The following MYO16 variants were observed in gnomAD, a reference collection of about 807,000 sequenced individuals.
The protein encoded by MYO16 is myosin XVI.
A neutral mutation model predicts 205.3 loss-of-function variants in MYO16; 94 were observed. That is an observed-to-expected ratio of 0.46 (90% confidence interval 0.39 to 0.54). The LOEUF (loss-of-function observed/expected upper bound fraction) is 0.54. MYO16 is among the 20% of genes least tolerant of loss of function. The probability of loss-of-function intolerance (pLI) is 0.00; values close to 1 mark genes in which losing one functional copy is unlikely to be tolerated. For missense variants in MYO16, 2,315 were observed against 2,387.5 expected (o/e 0.97, Z 0.63); for synonymous variants, 988 against 954.0 (o/e 1.04, Z -0.66).
At position 109,095,653 on chromosome 13, in the gene MYO16, GATGCTCGAATT is replaced by G. The variant is rs1171758550; in HGVS notation, c.3336-5129_3336-5119del. ...TTCTGACTTGTTAATACTATATTCA[GATGCTCGAATT>G]ATATCAATTAAATTCTTGGTTATAA... On this transcript the variant is annotated intron_variant, in intron 27 of 34. Coordinates refer to ENST00000457511, the MANE Select transcript of MYO16 (RefSeq NM_001198950.3). Among the ~76,000 whole-genome samples the G allele has an allele frequency of 3.3e-5, 5 of 152,136 alleles. No homozygotes were observed. The South Asian group carries it at 1.0e-3, about 31-fold the overall frequency.
the MYO16 span, among the ~76,000 whole-genome samples, chr13:108,517,821 G>A: frequency 6.6e-6 from 1 of 152,146 alleles, no homozygotes; most frequent in Admixed American, 6.5e-5. Context: ...TCTGGAGGCT[G>A]GGAAGCCCAA....
At chr13:108,626,376 A>G (rs1879736593), upstream of MYO16, among the ~76,000 whole-genome samples, 1 of 152,234 alleles carries the variant, frequency 6.6e-6, no homozygotes, top group Non-Finnish European at 1.5e-5. Flanking sequence ...AATGCAAAAC[A>G]ATACCCTCTT....
chr13:109,050,387 T>C (rs1887206766), intron 24 of MYO16, among the ~76,000 whole-genome samples: 2 of 152,166 alleles, frequency 1.3e-5, no homozygotes, highest in Non-Finnish European at 2.9e-5. Context: ...TAGTGGGGTA[T>C]CCTTCTCGGC....
intron 10 of MYO16, among the ~76,000 whole-genome samples, chr13:108,853,624 C>T (rs1432182882): frequency 5.0e-5 from 7 of 140,140 alleles, no homozygotes; most frequent in Non-Finnish European, 9.1e-5. Flanking sequence ...TGAGACAGGG[C>T]CTAGCTCTGT....
At chr13:108,679,892 C>T (rs1882389806) in intron 2 of MYO16, among the ~76,000 whole-genome samples, 1 of 152,080 alleles carries the variant, frequency 6.6e-6, no homozygotes, top group African/African-American at 2.4e-5. Context: ...CCACCTCTCA[C>T]ACCAGCACTT....
At chr13:108,881,121 G>T (rs1247274078) in intron 12 of MYO16, among the ~76,000 whole-genome samples, 1 of 152,168 alleles carries the variant, frequency 6.6e-6, no homozygotes, top group Non-Finnish European at 1.5e-5. Context: ...AGCAACATTT[G>T]CCATTCTGTA....
intron 33 of MYO16, among the ~76,000 whole-genome samples, chr13:109,165,739 C>A (rs538831721): frequency 9.8e-5 from 15 of 152,306 alleles, no homozygotes; most frequent in Admixed American, 2.0e-4. Context: ...GAAGCCCACA[C>A]TTGAAGCTTG....
At chr13:109,061,539 G>A (rs1202111163) in intron 27 of MYO16, among the ~76,000 whole-genome samples, 1 of 152,184 alleles carries the variant, frequency 6.6e-6, no homozygotes, top group East Asian at 1.9e-4. Flanking sequence ...AAGAGGGAGA[G>A]AGAGGTGGGG....
At chr13:109,010,976 T>TATATATATATATATATATA (rs59979915) in intron 22 of MYO16, among the ~76,000 whole-genome samples, 31 of 143,152 alleles carry the variant, frequency 2.2e-4, no homozygotes, top group Non-Finnish European at 2.6e-4. Context: ...TATATATATA[T>TATATATATATATATATATA]TTCTTCACCT....
At chr13:108,827,827 T>G (rs1377261484) in intron 9 of MYO16, among the ~76,000 whole-genome samples, 1 of 152,166 alleles carries the variant, frequency 6.6e-6, no homozygotes, top group Non-Finnish European at 1.5e-5. Flanking sequence ...AATATGCCCT[T>G]TAGCGTCTGA....
At chr13:109,066,498 C>G (rs529419850) in intron 27 of MYO16, among the ~76,000 whole-genome samples, 2 of 152,248 alleles carry the variant, frequency 1.3e-5, no homozygotes, top group South Asian at 4.1e-4. Context: ...TAAAAGATGA[C>G]AGAGGAGCTT....
intron 23 of MYO16, among the ~76,000 whole-genome samples, chr13:109,044,001 G>T (rs1886963500): frequency 6.6e-6 from 1 of 152,240 alleles, no homozygotes; most frequent in Admixed American, 6.5e-5. Flanking sequence ...GGTGAATTGG[G>T]GAACTTCTTA....
chr13:108,689,620 C>G (rs964904276), intron 2 of MYO16, among the ~76,000 whole-genome samples: 3 of 151,780 alleles, frequency 2.0e-5, no homozygotes, highest in East Asian at 3.9e-4. Context: ...TGAACTCAGA[C>G]AAATAATCTA....
chr13:108,577,723 T>G, the MYO16 span, among the ~76,000 whole-genome samples: 1 of 152,246 alleles, frequency 6.6e-6, no homozygotes, highest in Non-Finnish European at 1.5e-5. Context: ...ATACTTATAG[T>G]CCCATTTACA....
intron 4 of MYO16, among the ~76,000 whole-genome samples, chr13:108,731,062 A>T (rs912003751): frequency 6.6e-6 from 1 of 152,200 alleles, no homozygotes; most frequent in Admixed American, 6.5e-5. Context: ...ACTCAATCAC[A>T]TTAATGGCCA....
rs544183619 is a variant in MYO16, at chr13:109,103,172, A to T, written c.3438+2285A>T. On this transcript the variant is annotated intron_variant, in intron 28 of 34. Transcript: ENST00000457511. ...AAAAAATAAATAAATAAAACAAAAAACACTCATTCCTAACCTGGAAAGTTA... is the reference window on the plus strand; with the variant it reads ...AAAAAATAAATAAATAAAACAAAAATCACTCATTCCTAACCTGGAAAGTTA... Among the ~76,000 whole-genome samples the T allele has an allele frequency of 2.2e-4, 33 of 152,350 alleles. No individual in the cohort carries two copies. The South Asian group carries it at 6.4e-3, about 30-fold the overall frequency.
At chr13:108,549,943 C>A in the MYO16 span, among the ~76,000 whole-genome samples, 4 of 152,350 alleles carry the variant, frequency 2.6e-5, no homozygotes, top group East Asian at 7.7e-4. Flanking sequence ...GACTTTCTGG[C>A]CCCTGCATGG....
chr13:109,141,127 C>T lies in MYO16; in HGVS notation c.4915C>T (p.His1639Tyr). The change falls in exon 32 of 35, where the codon CAC becomes TAC. Residue 1639 changes from histidine (H) to tyrosine (Y), a missense_variant. His to Tyr is a moderately conservative substitution (Grantham distance 83, BLOSUM62 2). Around this residue, in one of 3 missense-constraint regions of MYO16, gnomAD observed 1,097 missense variants for 1,092.0 expected, o/e 1.00. Coordinates refer to ENST00000457511, the MANE Select transcript of MYO16 (RefSeq NM_001198950.3). The surrounding 1 kb of genome is among the most constrained non-coding windows in gnomAD (Gnocchi z 4.1). ...GCCGAGCGCAGAGGCGCCCAAGGTT[C>T]ACCCAAAGCCAAACTCTGCCCCCGT... ...AGPSAEAPKV[H>Y]PKPNSAPVAG... The T allele has an allele frequency of 6.3e-7, 1 of 1,581,244 alleles. No individual in the cohort carries two copies.
chr13:108,920,839 T>C (rs1452136075), intron 16 of MYO16, among the ~76,000 whole-genome samples: 1 of 152,202 alleles, frequency 6.6e-6, no homozygotes, highest in Non-Finnish European at 1.5e-5. Context: ...ATGAACCATA[T>C]GGAGATGTGA....
Sources: gnomAD v4.1 joint callset for allele counts (sites outside exome capture counted in the v4.1 genomes callset) on GRCh38, gnomAD v4.1.1 for gene constraint, gnomAD v4.1.1 regional missense constraint, Gnocchi (gnomAD v3.1) non-coding constraint, MANE v1.5 for transcripts, NCBI Gene and HGNC (gene_info 2026-07-23, HGNC 2026-07-21) for gene names.